ARVCF: variants seen among roughly 807,000 people sequenced by gnomAD.
ARVCF encodes the protein ARVCF delta catenin family member.
ARVCF carries 66 observed loss-of-function variants against 90.9 expected under a neutral mutation model. That is an observed-to-expected ratio of 0.73 (90% confidence interval 0.60 to 0.89). ARVCF has a LOEUF of 0.89. Ranked by LOEUF, ARVCF falls within the 40% of genes least tolerant of loss-of-function variation. The pLI is 0.00. For synonymous variants in ARVCF, 653 were observed against 603.4 expected (o/e 1.08, Z -1.21); for missense variants, 1,469 against 1,382.3 (o/e 1.06, Z -1.00).
intron 2 of ARVCF, among the ~76,000 whole-genome samples, chr22:19,998,128 CA>C (rs1944320207): frequency 6.6e-6 from 1 of 152,252 alleles, no homozygotes; most frequent in Admixed American, 6.5e-5. Context: ...CCCACTGAGG[CA>C]CTGTAGGAGA....
chr22:19,975,720 C>T lies in ARVCF; in HGVS notation c.1926G>A (p.Thr642=), dbSNP rs751651476. The stretch of plus-strand genomic sequence containing the variant: ...CCTCAGTTCGCTTGGGCAGGTCTAG[C>T]GTGTCAAAGTTCCGGTCCATCTCAC... ...KDGEMDRNFD[T]LDLPKRTEAA... The change falls in exon 11 of 20, where the codon ACG becomes ACA. Residue 642 remains threonine (T), a synonymous_variant. Transcript: ENST00000263207. 6.2e-7 allele frequency: 1 copy of T among 1,613,688 alleles called. No individual in the cohort carries two copies. Among genetic ancestry groups the T allele is most frequent in the South Asian group, 1.1e-5 (1 of 91,074 alleles).
chr22:20,005,173 C>T (rs1944576352), intron 2 of ARVCF, among the ~76,000 whole-genome samples: 1 of 152,122 alleles, frequency 6.6e-6, no homozygotes, highest in South Asian at 2.1e-4. Context: ...ATGTAAAGAA[C>T]TCCCAAAACT....
At chr22:20,003,308 T>A (rs538394222) in intron 2 of ARVCF, among the ~76,000 whole-genome samples, 1 of 152,186 alleles carries the variant, frequency 6.6e-6, no homozygotes, top group Non-Finnish European at 1.5e-5. Context: ...CCAATCGTCC[T>A]CAAACTTTTC....
Position 19,972,342 on chromosome 22 carries a change from C to T in ARVCF, c.2695+16G>A, listed in dbSNP as rs1942859228. ...CTCCCGGCACAGAAAACCAACCACA[C>T]TGCATCTGCACTCACCTGGGCCCAG... On this transcript the variant is annotated intron_variant, in intron 17 of 19. Coordinates refer to ENST00000263207, the MANE Select transcript of ARVCF (RefSeq NM_001670.3). 6.2e-7 allele frequency: 1 copy of T among 1,613,620 alleles called. No individual in the cohort carries two copies. The highest frequency in any genetic ancestry group is 8.5e-7 in the Non-Finnish European group (1 of 1,179,960).
Position 19,978,959 on chromosome 22 carries a change from C to T in ARVCF, c.1518G>A (p.Glu506=), listed in dbSNP as rs1338202283. 2 of 1,613,170 alleles carry T rather than the reference C, an allele frequency of 1.2e-6. No individual in the cohort carries two copies. Among genetic ancestry groups the T allele is most frequent in the African/African-American group, 1.3e-5 (1 of 74,896 alleles). The change falls in exon 7 of 20, where the codon GAG becomes GAA. Residue 506 remains glutamate (E), a synonymous_variant. Transcript: ENST00000263207. ...ACTCGGCGTCCCGTGGCTTGGAGTCCTCGTTGGGCTCACGCTCCCATCCTG... is the reference window on the plus strand; with the variant it reads ...ACTCGGCGTCCCGTGGCTTGGAGTCTTCGTTGGGCTCACGCTCCCATCCTG... ...PHSGWEREPN[E]DSKPRDAEWT... is the part of the protein sequence containing the mutation.
chr22:20,007,385 G>A (rs1395132635), intron 2 of ARVCF, among the ~76,000 whole-genome samples: 3 of 152,264 alleles, frequency 2.0e-5, no homozygotes, highest in African/African-American at 7.2e-5. Flanking sequence ...CTGGGTGACA[G>A]AGCGAGACTC....
intron 7 of ARVCF, 25 bp from the exon 8 acceptor site, chr22:19,978,100 T>C (rs866794589): frequency 1.3e-6 from 2 of 1,575,924 alleles, no homozygotes; most frequent in Middle Eastern, 1.7e-4. Context: ...GCAGGCCAGG[T>C]GACCCCTGGC....
intron 4 of ARVCF, 25 bp from the exon 5 acceptor site, chr22:19,981,762 TG>T (rs1393276599): frequency 1.3e-6 from 2 of 1,553,176 alleles, no homozygotes; most frequent in Non-Finnish European, 8.7e-7. Context: ...GGCAGGTAGG[TG>T]GGGTAGCACG....
chr22:19,992,103 T>G (rs1944050455), intron 2 of ARVCF, among the ~76,000 whole-genome samples: 2 of 151,990 alleles, frequency 1.3e-5, no homozygotes. Flanking sequence ...AGCAACACGG[T>G]GCGGGGACAT....
intron 3 of ARVCF, among the ~76,000 whole-genome samples, chr22:19,989,291 G>A (rs921802719): frequency 6.6e-6 from 1 of 152,080 alleles, no homozygotes; most frequent in African/African-American, 2.4e-5. Flanking sequence ...CGGACCCTCT[G>A]GGGACATTAA....
At position 19,978,777 on chromosome 22, in the gene ARVCF, CAGCTCTGAAGCTCCTA is replaced by C. The variant is rs1943307524; in HGVS notation, c.1580+104_1580+119del. 4 of 1,227,602 alleles carry C rather than the reference CAGCTCTGAAGCTCCTA, an allele frequency of 3.3e-6. No homozygotes were observed. In the South Asian group the frequency reaches 6.2e-5, roughly 19 times the overall value. The allele number at this position is 1,227,602 out of a possible 1,614,324, so 76.0% of individuals were successfully genotyped here. ...CTTCTCATCCACAGGACTTGTGCCA[CAGCTCTGAAGCTCCTA>C]AGCTCTGGCGCTCCTAAGCTCGCCG... On this transcript the variant is annotated intron_variant, in intron 7 of 19. Coordinates refer to ENST00000263207, the MANE Select transcript of ARVCF (RefSeq NM_001670.3).
intron 2 of ARVCF, among the ~76,000 whole-genome samples, chr22:19,997,700 G>C (rs1944302574): frequency 6.6e-6 from 1 of 152,220 alleles, no homozygotes; most frequent in Non-Finnish European, 1.5e-5. Context: ...GCTCCAGGGA[G>C]AGGGCTGCAG....
chr22:19,998,498 C>T (rs924706885), intron 2 of ARVCF, among the ~76,000 whole-genome samples: 6 of 152,198 alleles, frequency 3.9e-5, no homozygotes, highest in East Asian at 3.9e-4. Context: ...TAGGCCAGCC[C>T]GCCCCAGCTG....
At chr22:19,975,621 A>C in intron 11 of ARVCF, 65 bp downstream of exon 11, 2 of 1,586,184 alleles carry the variant, frequency 1.3e-6, no homozygotes, top group Non-Finnish European at 1.7e-6. Flanking sequence ...TCAAAGCTTC[A>C]CTACCAGGGC....
At position 19,981,984 on chromosome 22, in the gene ARVCF, A is replaced by G. The variant is rs1943531092; in HGVS notation, c.318T>C (p.His106=). 1.9e-6 allele frequency: 3 copies of G among 1,612,960 alleles called. No homozygotes were observed. Among genetic ancestry groups the G allele is most frequent in the Non-Finnish European group, 8.5e-7 (1 of 1,179,930 alleles). Residue 106 remains histidine (H), a synonymous_variant, in exon 4 of 20, where the codon CAT becomes CAC. Transcript: ENST00000263207. ...VEEDPGTPTS[H]VSIVTSEDGT... ...CATCTTCGGATGTGACAATAGACACATGGGAAGTGGGTGTGCCGGGGTCCT... is the reference window on the plus strand; with the variant it reads ...CATCTTCGGATGTGACAATAGACACGTGGGAAGTGGGTGTGCCGGGGTCCT...
rs1219241634 is a variant in ARVCF, at chr22:19,972,968, C to T, written c.2507G>A (p.Arg836His). The change falls in exon 15 of 20, where the codon CGT (arginine) becomes CAT (histidine). Residue 836 changes from arginine (R) to histidine (H), a missense_variant. Coordinates refer to ENST00000263207, the MANE Select transcript of ARVCF (RefSeq NM_001670.3). The part of the protein sequence containing the change: ...LQTVWSYKEL[R>H]GTLQKDGWTK... Reference sequence around the variant, plus strand: ...CCAACCATCTTTCTGCAAGGTACCACGCAGCTCCTTGTAGCTCCACACTGT... The same window carrying T: ...CCAACCATCTTTCTGCAAGGTACCATGCAGCTCCTTGTAGCTCCACACTGT... 12 of 1,613,788 alleles carry T rather than the reference C, an allele frequency of 7.4e-6. No individual in the cohort carries two copies. Among genetic ancestry groups the T allele is most frequent in the South Asian group, 3.3e-5 (3 of 91,086 alleles).
chr22:20,005,635 C>T (rs1344528358), intron 2 of ARVCF, among the ~76,000 whole-genome samples: 7 of 151,690 alleles, frequency 4.6e-5, no homozygotes, highest in African/African-American at 7.3e-5. Flanking sequence ...CTGGCTAGCA[C>T]GGTGAAACCC....
At chr22:19,985,138 G>C (rs952749530) in intron 3 of ARVCF, among the ~76,000 whole-genome samples, 1 of 152,156 alleles carries the variant, frequency 6.6e-6, no homozygotes, top group Admixed American at 6.5e-5. Context: ...CTGTACCCTA[G>C]ACATGGGCTC....
chr22:19,968,488 C>G, downstream of ARVCF: 5 of 1,579,858 alleles, frequency 3.2e-6, no homozygotes, highest in Non-Finnish European at 3.5e-6. Context: ...GGCAGGTTCT[C>G]TGGGCACCTC....
Sources: allele counts gnomAD v4.1 joint callset (sites outside exome capture counted in the v4.1 genomes callset), GRCh38; gene constraint gnomAD v4.1.1; transcripts MANE v1.5; gene names NCBI Gene and HGNC (gene_info 2026-07-23, HGNC 2026-07-21).